COL22A1: variants seen among roughly 807,000 people sequenced by gnomAD.
COL22A1 encodes the protein collagen alpha-1(XXII) chain.
A neutral mutation model predicts 248.9 loss-of-function variants in COL22A1; 221 were observed. The observed-to-expected ratio is 0.89, with a 90% CI of 0.80 to 0.99. The LOEUF is 0.99. Ranked by LOEUF, COL22A1 falls within the 50% of genes least tolerant of loss-of-function variation. The pLI is 0.00. For missense variants in COL22A1, 2,240 were observed against 2,179.0 expected, an observed-to-expected ratio of 1.03 and a Z score of -0.56; for synonymous variants, 891 against 793.4, an observed-to-expected ratio of 1.12 and a Z score of -2.07.
At chr8:138,823,221 G>A (rs1031979213) in intron 6 of COL22A1, among the ~76,000 whole-genome samples, 1 of 152,224 alleles carries the variant, frequency 6.6e-6, no homozygotes. Context: ...GAATTGTCAC[G>A]AGGATTATGA....
intron 60 of COL22A1, 104 bp downstream of exon 60, chr8:138,602,011 G>A (rs543776262): frequency 4.7e-5 from 54 of 1,147,892 alleles, no homozygotes; most frequent in South Asian, 3.9e-4. Context: ...TGATCCAGGC[G>A]GGTGTTTACT....
chr8:138,908,891 A>G (rs1815222261), intron 1 of COL22A1, among the ~76,000 whole-genome samples: 1 of 152,212 alleles, frequency 6.6e-6, no homozygotes, highest in Admixed American at 6.5e-5. Context: ...ATTTTAAACC[A>G]GACATCCAAC....
intron 40 of COL22A1, among the ~76,000 whole-genome samples, chr8:138,678,262 C>A (rs976261133): frequency 6.6e-6 from 1 of 152,126 alleles, no homozygotes; most frequent in African/African-American, 2.4e-5. Context: ...ACAGACCTTG[C>A]GAAGTTCTCA....
intron 64 of COL22A1, among the ~76,000 whole-genome samples, chr8:138,589,692 GAGAGAAAGA>G (rs1816875799): frequency 6.6e-6 from 1 of 152,150 alleles, no homozygotes; most frequent in Non-Finnish European, 1.5e-5. Flanking sequence ...GGTACCACTG[GAGAGAAAGA>G]AACAAGGGTA....
chr8:138,684,085 CCA>C (rs768386373), intron 39 of COL22A1, among the ~76,000 whole-genome samples: 3 of 151,914 alleles, frequency 2.0e-5, no homozygotes, highest in Non-Finnish European at 4.4e-5. Flanking sequence ...TAGTGAAACC[CCA>C]TCTCTACTAA....
rs191406518 is a variant in COL22A1 at position 138,862,059 on chromosome 8, A to G, written c.658+15691T>C. Among the ~76,000 whole-genome samples, 382 of 151,554 alleles carry G rather than the reference A, an allele frequency of 2.5e-3. 1 individual carries two copies. Among genetic ancestry groups the G allele is most frequent in the African/African-American group, 8.1e-3 (335 of 41,348 alleles). On this transcript the variant is annotated intron_variant, in intron 3 of 64. Transcript: ENST00000303045. ...AAAAAAAAAAAAAAGAAAAAAAGAAAAAAAGAAAATTAGTTGGGTGTGGTG... is the reference window on the plus strand; with the variant it reads ...AAAAAAAAAAAAAAGAAAAAAAGAAGAAAAGAAAATTAGTTGGGTGTGGTG...
intron 23 of COL22A1, among the ~76,000 whole-genome samples, chr8:138,731,478 A>G (rs12680005): frequency 0.073 from 11,155 of 151,996 alleles, 535 homozygotes; most frequent in East Asian, 0.26. Context: ...GGTCTGAGCC[A>G]GAGCTCAGTG....
chr8:138,613,972 G>C, intron 55 of COL22A1, 52 bp from the exon 56 acceptor site: 3 of 1,398,582 alleles, frequency 2.1e-6, no homozygotes, highest in Non-Finnish European at 3.0e-6. Context: ...GTGTGAAGGT[G>C]ATGGCATCCC....
chr8:138,863,117 T>C (rs1327737980), intron 3 of COL22A1, among the ~76,000 whole-genome samples: 2 of 152,192 alleles, frequency 1.3e-5, no homozygotes, highest in Non-Finnish European at 2.9e-5. Context: ...AATAAAGTCC[T>C]CTGCTAGCCC....
intron 3 of COL22A1, among the ~76,000 whole-genome samples, chr8:138,845,376 G>T (rs1325335406): frequency 1.3e-5 from 2 of 151,936 alleles, no homozygotes; most frequent in Admixed American, 1.3e-4. Flanking sequence ...GGGCATGGTG[G>T]TGCACACTGG....
At chr8:138,745,521 A>C (rs1169156428) in intron 22 of COL22A1, among the ~76,000 whole-genome samples, 1 of 152,210 alleles carries the variant, frequency 6.6e-6, no homozygotes, top group Non-Finnish European at 1.5e-5. Flanking sequence ...TAAAATATGT[A>C]TGTTTTACAG....
intron 3 of COL22A1, among the ~76,000 whole-genome samples, chr8:138,868,184 G>A (rs1425749863): frequency 6.6e-6 from 1 of 152,188 alleles, no homozygotes; most frequent in Non-Finnish European, 1.5e-5. Flanking sequence ...ATGATGTTAT[G>A]CAGTCATGGC....
In COL22A1 at chr8:138,892,802, G is replaced by T. The variant is rs141207657; in HGVS notation, c.-72-9558C>A. On this transcript the variant is annotated intron_variant, in intron 1 of 64. Coordinates refer to ENST00000303045, the MANE Select transcript of COL22A1 (RefSeq NM_152888.3). ...AAAATGAGATTCGGCAGATTGCTAG[G>T]GCAGCCTGGGCAGAGTTCGAGCTCT... is the stretch of plus-strand genomic sequence containing the variant. Among the ~76,000 whole-genome samples, 546 of 152,324 alleles carry T rather than the reference G, an allele frequency of 3.6e-3. 9 individuals carry two copies. The highest frequency in any genetic ancestry group is 0.013 in the African/African-American group (520 of 41,580).
intron 14 of COL22A1, 22 bp from the exon 15 acceptor site, chr8:138,778,428 G>T (rs753939139): frequency 6.4e-7 from 1 of 1,568,384 alleles, no homozygotes; most frequent in East Asian, 2.2e-5. Context: ...CATTTACAGA[G>T]TAAAGTTTCA....
intron 40 of COL22A1, among the ~76,000 whole-genome samples, chr8:138,677,578 A>G (rs1244033670): frequency 6.6e-6 from 1 of 150,730 alleles, no homozygotes; most frequent in Non-Finnish European, 1.5e-5. Flanking sequence ...CTCAGTTGGC[A>G]GCAAAACCTG....
intron 23 of COL22A1, among the ~76,000 whole-genome samples, chr8:138,728,608 T>C (rs1359609079): frequency 6.6e-6 from 1 of 151,892 alleles, no homozygotes; most frequent in African/African-American, 2.4e-5. Flanking sequence ...CTGCTGCTGC[T>C]TGCTAGTTTT....
At chr8:138,687,187 C>A (rs765662453) in intron 37 of COL22A1, among the ~76,000 whole-genome samples, 42 of 152,168 alleles carry the variant, frequency 2.8e-4, no homozygotes, top group Non-Finnish European at 5.4e-4. Flanking sequence ...GAACTCCTGA[C>A]CTCAAGTGAC....
intron 38 of COL22A1, among the ~76,000 whole-genome samples, chr8:138,684,928 T>C (rs796637022): frequency 5.3e-5 from 8 of 152,310 alleles, no homozygotes; most frequent in African/African-American, 1.9e-4. Flanking sequence ...TCCTGAGCTG[T>C]GGGGATGTGT....
In COL22A1 at chr8:138,685,446, G is replaced by C. The variant is rs1044530467; in HGVS notation, c.2863-134C>G. 5.5e-6 allele frequency: 4 copies of C among 722,422 alleles called. No homozygotes were observed. In the African/African-American group the frequency reaches 7.2e-5, roughly 13 times the overall value. 44.8% of individuals were successfully genotyped at this position (722,422 alleles called of 1,614,324 possible). A position where few individuals can be genotyped will look rare whatever the true frequency, so the allele number is the denominator to read the frequency against. ...ATTTTAGAAGGCCCATGCTTTCTGG[G>C]ACACAGAAAGATGGACTGTGTAATG... On this transcript the variant is annotated intron_variant, in intron 37 of 64. Coordinates refer to ENST00000303045, the MANE Select transcript of COL22A1 (RefSeq NM_152888.3).
Sources: gnomAD v4.1 joint callset for allele counts (sites outside exome capture counted in the v4.1 genomes callset) on GRCh38, gnomAD v4.1.1 for gene constraint, MANE v1.5 for transcripts, NCBI Gene and HGNC (gene_info 2026-07-23, HGNC 2026-07-21) for gene names.